The following MYRIP variants were observed in gnomAD, a reference collection of about 807,000 sequenced individuals.
The protein encoded by MYRIP is myosin VIIA and Rab interacting protein.
In MYRIP, 49 loss-of-function variants were observed where a neutral mutation model predicts 98.0. The ratio of observed to expected loss-of-function variants is 0.50; its 90% CI spans 0.40 to 0.63. MYRIP has a LOEUF of 0.63. MYRIP is among the 30% of genes least tolerant of loss of function. The pLI, the probability that MYRIP is intolerant of heterozygous loss-of-function variation, is 0.00. For missense variants in MYRIP, 1,004 were observed against 1,058.2 expected (o/e 0.95, Z 0.71); for synonymous variants, 404 against 409.5 (o/e 0.99, Z 0.16).
In MYRIP at chr3:40,060,148, TA is replaced by T. The variant is rs912973864; in HGVS notation, c.332+15888del. Among the ~76,000 whole-genome samples, 109 of 150,034 alleles carry T rather than the reference TA, an allele frequency of 7.3e-4. No homozygotes were observed. The Middle Eastern group carries it at 0.014, about 19-fold the overall frequency. On this transcript the variant is annotated intron_variant, in intron 3 of 16. Coordinates refer to ENST00000302541, the MANE Select transcript of MYRIP (RefSeq NM_015460.4). ...CCAAACATCAAAAATTGAGTCTTTT[TA>T]AAAAAAAAAATTTTACAAGGTGTCA...
At chr3:39,962,417 C>T (rs1000185096) in intron 2 of MYRIP, among the ~76,000 whole-genome samples, 11 of 150,736 alleles carry the variant, frequency 7.3e-5, no homozygotes, top group Non-Finnish European at 1.5e-4. Flanking sequence ...TGGATAAGGA[C>T]CCCAAAGCAC....
intron 2 of MYRIP, among the ~76,000 whole-genome samples, chr3:39,932,335 T>TA (rs1944559025): frequency 5.3e-5 from 8 of 151,942 alleles, no homozygotes; most frequent in Non-Finnish European, 1.0e-4. Flanking sequence ...AACTGCTCAC[T>TA]CTATCAGTCA....
In MYRIP at chr3:39,976,483, G is replaced by C. The variant is rs377119484; in HGVS notation, c.111-67567G>C. 4.6e-5 allele frequency among the ~76,000 whole-genome samples: 7 copies of C among 152,324 alleles called. No individual in the cohort carries two copies. The East Asian group carries it at 9.6e-4, about 21-fold the overall frequency. On this transcript the variant is annotated intron_variant, in intron 2 of 16. Transcript: ENST00000302541. ...TAGTTCAACCATTGTGGAAGTCAGT[G>C]TGGCGATTCCTCAGGGATCTAGAAC...
chr3:40,171,575 A>G (rs1035663817), intron 8 of MYRIP, among the ~76,000 whole-genome samples: 4 of 152,244 alleles, frequency 2.6e-5, no homozygotes, highest in East Asian at 1.9e-4. Context: ...CCATGAGTCA[A>G]TGAGTCAGAG....
intron 2 of MYRIP, among the ~76,000 whole-genome samples, chr3:39,951,004 T>C (rs1945000353): frequency 6.6e-6 from 1 of 152,152 alleles, no homozygotes; most frequent in Non-Finnish European, 1.5e-5. Context: ...TGGTTATTAG[T>C]GATAAACTCA....
chr3:39,917,781 T>G (rs6797092), intron 2 of MYRIP, among the ~76,000 whole-genome samples: 66,975 of 151,894 alleles, frequency 0.44, 15,018 homozygotes, highest in East Asian at 0.54. Flanking sequence ...ACCTTTCTCA[T>G]GAAAAGATCT....
chr3:39,884,687 CTTAACCCT>C (rs1197172415), intron 1 of MYRIP, among the ~76,000 whole-genome samples: 6 of 152,040 alleles, frequency 3.9e-5, no homozygotes, highest in Non-Finnish European at 8.8e-5. Context: ...GCTTTTTGTA[CTTAACCCT>C]TTAAATATGT....
intron 8 of MYRIP, among the ~76,000 whole-genome samples, chr3:40,181,569 A>G (rs1374860170): frequency 6.6e-6 from 1 of 152,234 alleles, no homozygotes; most frequent in Non-Finnish European, 1.5e-5. Context: ...CCAGTAAAAT[A>G]TAATTCCTTC....
chr3:40,097,696 T>C (rs1444326596), intron 3 of MYRIP, among the ~76,000 whole-genome samples: 1 of 152,186 alleles, frequency 6.6e-6, no homozygotes, highest in African/African-American at 2.4e-5. Flanking sequence ...TTTCCATTCC[T>C]GAGGAAGTGT....
intron 11 of MYRIP, among the ~76,000 whole-genome samples, chr3:40,228,936 C>T (rs1319869583): frequency 6.6e-6 from 1 of 152,218 alleles, no homozygotes; most frequent in Non-Finnish European, 1.5e-5. Flanking sequence ...TTAGAGCACA[C>T]TCTTGCTGCT....
At chr3:40,171,163 A>G (rs549536150) in intron 8 of MYRIP, among the ~76,000 whole-genome samples, 1 of 152,042 alleles carries the variant, frequency 6.6e-6, no homozygotes, top group South Asian at 2.1e-4. Context: ...AGAACCAAAC[A>G]AGTAGAAGAC....
At chr3:39,955,921 G>C (rs1945146739) in intron 2 of MYRIP, among the ~76,000 whole-genome samples, 1 of 152,110 alleles carries the variant, frequency 6.6e-6, no homozygotes, top group Admixed American at 6.5e-5. Context: ...AAGATCAAAA[G>C]AGACAAACAA....
At chr3:39,913,128 G>A (rs1462255407) in intron 2 of MYRIP, among the ~76,000 whole-genome samples, 1 of 152,068 alleles carries the variant, frequency 6.6e-6, no homozygotes, top group Admixed American at 6.5e-5. Context: ...CTTCACTTGG[G>A]AAGACAGAAA....
intron 2 of MYRIP, among the ~76,000 whole-genome samples, chr3:40,035,257 A>T (rs1340705109): frequency 6.6e-6 from 1 of 151,910 alleles, no homozygotes; most frequent in Non-Finnish European, 1.5e-5. Context: ...AAAGAAAAAG[A>T]AATCAAAACC....
intron 2 of MYRIP, among the ~76,000 whole-genome samples, chr3:39,967,929 G>A (rs924981169): frequency 2.0e-5 from 3 of 151,998 alleles, no homozygotes; most frequent in East Asian, 1.9e-4. Flanking sequence ...TTTTAATGGG[G>A]TTGTTTTTCT....
At chr3:40,182,015 A>T (rs969419812) in intron 8 of MYRIP, among the ~76,000 whole-genome samples, 1 of 152,158 alleles carries the variant, frequency 6.6e-6, no homozygotes, top group Non-Finnish European at 1.5e-5. Flanking sequence ...CATTCTTTCT[A>T]CTAGGCCTGG....
intron 3 of MYRIP, among the ~76,000 whole-genome samples, chr3:40,060,461 T>C (rs528185275): frequency 1.4e-4 from 21 of 152,360 alleles, no homozygotes; most frequent in African/African-American, 4.6e-4. Context: ...AAAGGCAGCA[T>C]ATATTCTGTT....
intron 2 of MYRIP, among the ~76,000 whole-genome samples, chr3:39,970,909 C>T (rs1476157033): frequency 6.6e-6 from 1 of 151,962 alleles, no homozygotes; most frequent in Non-Finnish European, 1.5e-5. Context: ...ACACTTGTAA[C>T]AACAGCAACA....
intron 1 of MYRIP, among the ~76,000 whole-genome samples, chr3:39,822,576 G>A (rs1212002198): frequency 6.6e-6 from 1 of 152,014 alleles, no homozygotes; most frequent in Non-Finnish European, 1.5e-5. Context: ...GGATACCTCT[G>A]CTCTATAGCA....
Sources: allele counts gnomAD v4.1 joint callset (sites outside exome capture counted in the v4.1 genomes callset), GRCh38; gene constraint gnomAD v4.1.1; transcripts MANE v1.5; gene names NCBI Gene and HGNC (gene_info 2026-07-23, HGNC 2026-07-21).